The following PIEZO2 variants were observed in gnomAD, a reference collection of about 807,000 sequenced individuals.
The protein encoded by PIEZO2 is piezo-type mechanosensitive ion channel component 2.
In PIEZO2, 172 loss-of-function variants were observed where a neutral mutation model predicts 337.3. That is an observed-to-expected ratio of 0.51 (90% confidence interval 0.45 to 0.58). PIEZO2 has a LOEUF of 0.58. PIEZO2 is among the 20% of genes least tolerant of loss of function. The pLI is 0.00. For missense variants in PIEZO2, 3,028 were observed against 3,391.3 expected, an observed-to-expected ratio of 0.89 and a Z score of 2.66; for synonymous variants, 1,251 against 1,228.5, an observed-to-expected ratio of 1.02 and a Z score of -0.38.
intron 10 of PIEZO2, 119 bp downstream of exon 10, chr18:10,801,271 A>G: frequency 2.4e-6 from 2 of 848,524 alleles, no homozygotes; most frequent in Non-Finnish European, 3.5e-6. Flanking sequence ...ATGCCCAAAA[A>G]TGGAAAAGCT....
intron 3 of PIEZO2, among the ~76,000 whole-genome samples, chr18:10,936,699 G>A (rs2032421641): frequency 6.6e-6 from 1 of 152,192 alleles, no homozygotes; most frequent in Non-Finnish European, 1.5e-5. Flanking sequence ...CATCGCTTCA[G>A]GACAGGCAAT....
chr18:10,897,503 T>C (rs1167150996), intron 4 of PIEZO2, among the ~76,000 whole-genome samples: 5 of 152,168 alleles, frequency 3.3e-5, no homozygotes, highest in Non-Finnish European at 7.4e-5. Flanking sequence ...TCTGATGTTT[T>C]TATAAGGGGT....
intron 4 of PIEZO2, among the ~76,000 whole-genome samples, chr18:10,881,376 G>A (rs956829463): frequency 1.3e-5 from 2 of 152,118 alleles, no homozygotes; most frequent in African/African-American, 4.8e-5. Context: ...CTCCTAAAAG[G>A]GTATACTGGT....
At position 10,886,376 on chromosome 18, in the gene PIEZO2, GTGTGTATATATATATATATATA is replaced by G. The variant is rs1186110470; in HGVS notation, c.330-14983_330-14962del. On this transcript the variant is annotated intron_variant, in intron 4 of 55. Coordinates refer to ENST00000674853, the MANE Select transcript of PIEZO2 (RefSeq NM_001378183.1). ...CACACACACACATATATATGTGTGT[GTGTGTATATATATATATATATA>G]TATATATATATATATATATATATAT... Among the ~76,000 whole-genome samples, 24 of 13,798 alleles carry G rather than the reference GTGTGTATATATATATATATATA, an allele frequency of 1.7e-3. 3 individuals carry two copies. The highest frequency in any genetic ancestry group is 8.1e-3 in the African/African-American group (13 of 1,602). The allele number at this position is 13,798 out of a possible 152,430, so 9.1% of individuals were successfully genotyped here.
intron 7 of PIEZO2, among the ~76,000 whole-genome samples, chr18:10,817,602 G>A (rs2040399108): frequency 6.6e-6 from 1 of 152,100 alleles, no homozygotes; most frequent in African/African-American, 2.4e-5. Context: ...TTTTAAGATT[G>A]AACAAGACAG....
intron 3 of PIEZO2, among the ~76,000 whole-genome samples, chr18:10,926,287 CG>C (rs2031734934): frequency 6.6e-6 from 1 of 152,178 alleles, no homozygotes; most frequent in South Asian, 2.1e-4. Flanking sequence ...AGCGGCGTCA[CG>C]TTCACAGCTT....
chr18:10,886,681 T>A (rs140386668), intron 4 of PIEZO2, among the ~76,000 whole-genome samples: 66 of 151,482 alleles, frequency 4.4e-4, no homozygotes, highest in African/African-American at 1.6e-3. Flanking sequence ...TCTCAAAATA[T>A]CTTATTGTGC....
intron 3 of PIEZO2, among the ~76,000 whole-genome samples, chr18:10,977,895 G>A (rs1207763580): frequency 6.6e-6 from 1 of 152,220 alleles, no homozygotes; most frequent in East Asian, 1.9e-4. Context: ...AAGTAGGTTA[G>A]TGGTTGCCTA....
intron 42 of PIEZO2, among the ~76,000 whole-genome samples, chr18:10,702,985 T>G (rs2035407522): frequency 6.6e-6 from 1 of 152,176 alleles, no homozygotes; most frequent in Admixed American, 6.5e-5. Context: ...CCAAGTAGCT[T>G]GGACTACAGG....
chr18:11,025,558 TCTC>T, intron 2 of PIEZO2, among the ~76,000 whole-genome samples: 1 of 152,230 alleles, frequency 6.6e-6, no homozygotes, highest in South Asian at 2.1e-4. Flanking sequence ...CTGGCGATCT[TCTC>T]CTGGCAAGAG....
chr18:10,694,620 C>T (rs2035002674), intron 47 of PIEZO2, among the ~76,000 whole-genome samples: 1 of 152,114 alleles, frequency 6.6e-6, no homozygotes, highest in South Asian at 2.1e-4. Context: ...TGCTTGAGTC[C>T]AGGCCTCTGA....
Position 10,736,671 on chromosome 18 carries a change from C to T in PIEZO2, c.4748G>A (p.Ser1583Asn), listed in dbSNP as rs1210695937. ...TAATTCTTCCTCTTCCTCCTCTTCA[C>T]TATCCGTTTCAAACAAATAATAATC... ...SGDYYLFETD[S>N]EEEEEEELKK... Residue 1583 changes from serine to asparagine, a missense_variant, in exon 34 of 56, where the codon AGT becomes AAT. Around this residue, in one of 5 missense-constraint regions of PIEZO2, gnomAD observed 1,925 missense variants for 2,051.9 expected, o/e 0.94. Transcript: ENST00000674853. 6.5e-7 allele frequency: 1 copy of T among 1,537,072 alleles called. No individual in the cohort carries two copies. The highest frequency in any genetic ancestry group is 2.4e-5 in the East Asian group (1 of 40,898).
At chr18:10,956,074 T>C (rs2033507978) in intron 3 of PIEZO2, among the ~76,000 whole-genome samples, 1 of 152,186 alleles carries the variant, frequency 6.6e-6, no homozygotes, top group Non-Finnish European at 1.5e-5. Context: ...GGAATTCATA[T>C]ATAAGGCTTT....
intron 3 of PIEZO2, among the ~76,000 whole-genome samples, chr18:10,976,771 G>A (rs1400604535): frequency 6.6e-6 from 1 of 152,112 alleles, no homozygotes; most frequent in Non-Finnish European, 1.5e-5. Flanking sequence ...ATATATTTAG[G>A]AGCGAGGTTA....
chr18:11,134,487 A>G (rs1048098976), intron 1 of PIEZO2, among the ~76,000 whole-genome samples: 1 of 152,178 alleles, frequency 6.6e-6, no homozygotes, highest in Non-Finnish European at 1.5e-5. Flanking sequence ...TCACACCTGA[A>G]AAGTGAGATT....
chr18:11,026,277 C>T (rs939708480), intron 2 of PIEZO2, among the ~76,000 whole-genome samples: 8 of 152,130 alleles, frequency 5.3e-5, no homozygotes, highest in African/African-American at 1.4e-4. Context: ...AAATTGTAGT[C>T]GCATAGAGTC....
At chr18:10,902,943 C>T (rs1012043547) in intron 4 of PIEZO2, among the ~76,000 whole-genome samples, 1 of 152,096 alleles carries the variant, frequency 6.6e-6, no homozygotes, top group East Asian at 1.9e-4. Flanking sequence ...TCGAATTGTC[C>T]AAGGAATTGA....
Position 10,877,076 on chromosome 18 carries a change from A to G in PIEZO2, c.330-5661T>C, listed in dbSNP as rs2042286740. ...CATGTTGCTGGGAAGCCCCACTAAG[A>G]AATTCTGACTTGTATTGTAGCCACC... On this transcript the variant is annotated intron_variant, in intron 4 of 55. Coordinates refer to ENST00000674853, the MANE Select transcript of PIEZO2 (RefSeq NM_001378183.1). This position sits in a 1 kb window ranked among gnomAD's most constrained non-coding sequence, Gnocchi z 5.3. 6.6e-6 allele frequency among the ~76,000 whole-genome samples: 1 copy of G among 152,176 alleles called. No homozygotes were observed. Among genetic ancestry groups the G allele is most frequent in the Admixed American group, 6.5e-5 (1 of 15,270 alleles).
At position 10,800,194 on chromosome 18, in the gene PIEZO2, G is replaced by A. The variant is rs959821093; in HGVS notation, c.1378+143C>T. ...AGCAATATGCTGGGGCAAAATGCAG[G>A]CAGAACTTAAAGAAGTGAGGTTAAT... On this transcript the variant is annotated intron_variant, in intron 11 of 55. Transcript: ENST00000674853. 50 of 1,186,446 alleles carry A rather than the reference G, an allele frequency of 4.2e-5. No homozygotes were observed. The Middle Eastern group carries it at 6.5e-4, about 15-fold the overall frequency. 73.5% of individuals were successfully genotyped at this position (1,186,446 alleles called of 1,614,324 possible).
Sources: allele counts gnomAD v4.1 joint callset (sites outside exome capture counted in the v4.1 genomes callset), GRCh38; gene constraint gnomAD v4.1.1; regional missense constraint gnomAD v4.1.1; non-coding constraint Gnocchi (gnomAD v3.1); transcripts MANE v1.5; gene names NCBI Gene and HGNC (gene_info 2026-07-23, HGNC 2026-07-21).